Variants in IRF2 observed in about 807,000 individuals in gnomAD.
IRF2 encodes the protein interferon regulatory factor 2.
A neutral mutation model predicts 40.6 loss-of-function variants in IRF2; 15 were observed. The observed-to-expected ratio is 0.37, with a 90% CI of 0.25 to 0.57. The LOEUF (loss-of-function observed/expected upper bound fraction) is 0.57, where lower values mean the gene tolerates loss of function less well. Among genes scored for constraint, IRF2 ranks in the 20% least tolerant of loss-of-function variants. The pLI is 0.77. For synonymous variants in IRF2, 151 were observed against 165.5 expected, an observed-to-expected ratio of 0.91 and a Z score of 0.67; for missense variants, 317 against 455.7, an observed-to-expected ratio of 0.70 and a Z score of 2.77.
intron 1 of IRF2, among the ~76,000 whole-genome samples, chr4:184,468,546 T>C (rs1190007393): frequency 1.3e-5 from 2 of 152,122 alleles, no homozygotes; most frequent in African/African-American, 4.8e-5. Context: ...GTCCCATTTC[T>C]GTATGGCAAG....
intron 1 of IRF2, among the ~76,000 whole-genome samples, chr4:184,461,756 G>T (rs1041904078): frequency 8.9e-6 from 1 of 112,552 alleles, no homozygotes; most frequent in Non-Finnish European, 1.7e-5. Context: ...AACAAAAATC[G>T]CAATGCATTA....
intron 2 of IRF2, 157 bp downstream of exon 2, chr4:184,428,821 A>G (rs1193796454): frequency 2.9e-6 from 2 of 690,840 alleles, no homozygotes; most frequent in East Asian, 5.4e-5. Flanking sequence ...AGCCTTTGAG[A>G]TGATAACTTG....
chr4:184,465,569 C>A (rs1317562469), intron 1 of IRF2, among the ~76,000 whole-genome samples: 1 of 152,056 alleles, frequency 6.6e-6, no homozygotes, highest in Admixed American at 6.6e-5. Flanking sequence ...CCCCAATATA[C>A]ACATATGTTT....
intron 6 of IRF2, among the ~76,000 whole-genome samples, chr4:184,400,225 C>A (rs1013296534): frequency 1.3e-5 from 2 of 152,238 alleles, no homozygotes; most frequent in Non-Finnish European, 2.9e-5. Flanking sequence ...CCCCATCCAT[C>A]TCTTTGTCCA....
At chr4:184,402,543 A>G (rs1165032070) in intron 6 of IRF2, among the ~76,000 whole-genome samples, 1 of 152,172 alleles carries the variant, frequency 6.6e-6, no homozygotes, top group Non-Finnish European at 1.5e-5. Flanking sequence ...TTTTGTGTCC[A>G]GTCATGACAC....
Position 184,459,593 on chromosome 4 carries a change from G to A in IRF2, c.-7+14786C>T, listed in dbSNP as rs1405582045. ...CATGCTACATATACTGTAATGGGGA[G>A]AAGCTTAGTTTTTCAGACTTACTAG... On this transcript the variant is annotated intron_variant, in intron 1 of 8. Transcript: ENST00000393593. Among the ~76,000 whole-genome samples, 4 of 152,304 alleles carry A rather than the reference G, an allele frequency of 2.6e-5. No individual in the cohort carries two copies. The East Asian group carries it at 5.8e-4, about 22-fold the overall frequency.
In IRF2 at chr4:184,388,783, G is replaced by A. The variant is rs1310382492; in HGVS notation, c.1025C>T (p.Thr342Ile). 2 of 1,612,936 alleles carry A rather than the reference G, an allele frequency of 1.2e-6. No individual in the cohort carries two copies. The highest frequency in any genetic ancestry group is 2.2e-5 in the East Asian group (1 of 44,890). The change falls in exon 9 of 9, where the codon ACC becomes ATC. Residue 342 changes from threonine to isoleucine, a missense_variant. Thr to Ile is a moderately conservative substitution (Grantham distance 89). Around this residue, in one of 2 missense-constraint regions of IRF2, gnomAD observed 262 missense variants for 334.0 expected, o/e 0.78. Coordinates refer to ENST00000393593, the MANE Select transcript of IRF2 (RefSeq NM_002199.4). This position sits in a 1 kb window ranked among gnomAD's most constrained non-coding sequence, Gnocchi z 4.6. ...TTAACAGCTCTTGACGCGGGCCTGG[G>A]TGATATCCGATGTTTTCTTGATGAC... Reference protein sequence around the residue: ...ASVIKKTSDITQARVKSC With the variant: ...ASVIKKTSDIIQARVKSC
intron 1 of IRF2, among the ~76,000 whole-genome samples, chr4:184,460,620 AACACACACACACGCATGCACGC>A (rs1561128310): frequency 6.6e-6 from 1 of 150,942 alleles, no homozygotes; most frequent in Non-Finnish European, 1.5e-5. Flanking sequence ...ACTATAGCCA[AACACACACACACGCATGCACGC>A]ACACACACAC....
At chr4:184,400,159 C>T (rs980110394) in intron 6 of IRF2, among the ~76,000 whole-genome samples, 2 of 152,220 alleles carry the variant, frequency 1.3e-5, no homozygotes, top group African/African-American at 2.4e-5. Context: ...AGTTCCATCA[C>T]GACCAATCTC....
intron 1 of IRF2, among the ~76,000 whole-genome samples, chr4:184,466,293 C>T (rs183469168): frequency 1.3e-3 from 195 of 152,086 alleles, no homozygotes; most frequent in African/African-American, 4.3e-3. Flanking sequence ...TCAGGAAATC[C>T]GCCCGCCTCG....
intron 7 of IRF2, among the ~76,000 whole-genome samples, chr4:184,394,330 T>C (rs568056723): frequency 9.1e-4 from 138 of 152,314 alleles, no homozygotes; most frequent in African/African-American, 2.8e-3. Flanking sequence ...TCGCTGAGGA[T>C]ATACATATTG....
chr4:184,393,057 C>A (rs2149890824), intron 7 of IRF2, among the ~76,000 whole-genome samples: 1 of 152,276 alleles, frequency 6.6e-6, no homozygotes, highest in Non-Finnish European at 1.5e-5. Flanking sequence ...AAGAAAATTC[C>A]CCTCCTCAGA....
intron 5 of IRF2, among the ~76,000 whole-genome samples, chr4:184,409,098 G>A (rs1336398084): frequency 6.6e-6 from 1 of 152,102 alleles, no homozygotes; most frequent in Non-Finnish European, 1.5e-5. Flanking sequence ...AGGTAAGTTT[G>A]CATCTGCTGC....
intron 6 of IRF2, among the ~76,000 whole-genome samples, chr4:184,401,208 G>T (rs953304305): frequency 6.6e-6 from 1 of 152,228 alleles, no homozygotes; most frequent in African/African-American, 2.4e-5. Flanking sequence ...ATCACTCCAA[G>T]TATTTTATTT....
chr4:184,466,550 A>C (rs1259857206), intron 1 of IRF2, among the ~76,000 whole-genome samples: 1 of 152,246 alleles, frequency 6.6e-6, no homozygotes, highest in African/African-American at 2.4e-5. Flanking sequence ...AAAATAAAAT[A>C]AAACAGTACC....
rs144921008 is a variant in IRF2 at position 184,433,721 on chromosome 4, C to G, written c.-6-4651G>C. Among the ~76,000 whole-genome samples the G allele has an allele frequency of 1.5e-4, 23 of 152,344 alleles. No homozygotes were observed. In the East Asian group the frequency reaches 3.9e-3, roughly 26 times the overall value. ...CCAATGAGACTCAATGAAAAGCTAA[C>G]CCAGTCACATGAAGGCCCTTCTCCT... On this transcript the variant is annotated intron_variant, in intron 1 of 8. Coordinates refer to ENST00000393593, the MANE Select transcript of IRF2 (RefSeq NM_002199.4).
rs2149904522 is a variant in IRF2 at position 184,430,260 on chromosome 4, C to T, written c.-6-1190G>A. On this transcript the variant is annotated intron_variant, in intron 1 of 8. Coordinates refer to ENST00000393593, the MANE Select transcript of IRF2 (RefSeq NM_002199.4). Reference sequence around the variant, plus strand: ...CGTGACCCCCAGCCCCTGGGCCTCACCCTGGGCCTGTATGCCTCCTGCTGT... The same window carrying T: ...CGTGACCCCCAGCCCCTGGGCCTCATCCTGGGCCTGTATGCCTCCTGCTGT... Among the ~76,000 whole-genome samples, 4 of 152,258 alleles carry T rather than the reference C, an allele frequency of 2.6e-5. 1 individual carries two copies. The South Asian group carries it at 8.3e-4, about 32-fold the overall frequency.
At chr4:184,454,098 G>A (rs990971911) in intron 1 of IRF2, among the ~76,000 whole-genome samples, 4 of 152,158 alleles carry the variant, frequency 2.6e-5, no homozygotes, top group African/African-American at 4.8e-5. Context: ...TGTTCTGAAA[G>A]GTTGATTTGA....
rs1254948761 is a variant in IRF2 at position 184,408,952 on chromosome 4, T to C, written c.412-677A>G. Among the ~76,000 whole-genome samples the C allele has an allele frequency of 2.0e-5, 3 of 152,188 alleles. No homozygotes were observed. Among genetic ancestry groups the C allele is most frequent in the Non-Finnish European group, 4.4e-5 (3 of 68,030 alleles). ...CTGCACGTGCACACTAATGAAATAA[T>C]GAGAACAAATTCCTTTCCCTTATTG... On this transcript the variant is annotated intron_variant, in intron 5 of 8. Transcript: ENST00000393593. This position sits in a 1 kb window ranked among gnomAD's most constrained non-coding sequence, Gnocchi z 4.9.
Sources: gnomAD v4.1 joint callset for allele counts (sites outside exome capture counted in the v4.1 genomes callset) on GRCh38, gnomAD v4.1.1 for gene constraint, gnomAD v4.1.1 regional missense constraint, Gnocchi (gnomAD v3.1) non-coding constraint, MANE v1.5 for transcripts, NCBI Gene and HGNC (gene_info 2026-07-23, HGNC 2026-07-21) for gene names.